Variants in MCM3AP observed in about 807,000 individuals in gnomAD.
MCM3AP encodes minichromosome maintenance complex component 3 associated protein.
Under a neutral mutation model 184.1 loss-of-function variants are expected in MCM3AP, and 126 were observed. The observed-to-expected ratio is 0.68, with a 90% CI of 0.59 to 0.79. The LOEUF is 0.79. MCM3AP is among the 30% of genes least tolerant of loss of function. The probability of loss-of-function intolerance (pLI) is 0.00; values close to 1 mark genes in which losing one functional copy is unlikely to be tolerated. For missense variants in MCM3AP, 2,496 were observed against 2,479.2 expected (o/e 1.01, Z -0.14); for synonymous variants, 1,002 against 979.3 (o/e 1.02, Z -0.43).
At chr21:46,272,516 G>A (rs1221598731) in intron 8 of MCM3AP, 45 bp downstream of exon 8, 1 of 1,582,976 alleles carries the variant, frequency 6.3e-7, no homozygotes, top group South Asian at 1.2e-5. Context: ...TTTAAAGCCT[G>A]CCTTTTCAGC....
chr21:46,246,975 T>G lies in MCM3AP; in HGVS notation c.4291-89A>C, dbSNP rs1235022562. 2.1e-6 allele frequency: 3 copies of G among 1,397,474 alleles called. No homozygotes were observed. In the African/African-American group the frequency reaches 4.2e-5, roughly 20 times the overall value. The allele number at this position is 1,397,474 out of a possible 1,614,324, so 86.6% of individuals were successfully genotyped here. A position where few individuals can be genotyped will look rare whatever the true frequency, so the allele number is the denominator to read the frequency against. ...GCCCCAGAGCAAGTGCAGCCAAAGC[T>G]CTCCGTGCACTAAATACTGACTGTA... On this transcript the variant is annotated intron_variant, in intron 20 of 27. Transcript: ENST00000291688.
chr21:46,241,734 T>C (rs941078925), intron 25 of MCM3AP: 4 of 152,264 alleles, frequency 2.6e-5, no homozygotes, highest in African/African-American at 9.7e-5. Context: ...TTCACAGCAT[T>C]GTATCCTGTC....
chr21:46,240,924 A>C lies in MCM3AP; in HGVS notation c.5520T>G (p.Ala1840=). Reference sequence around the variant, plus strand: ...CTGTGCTGGGAATCCTCCCCTCTTGAGCACACTCTGTGCTCCTCTTCCAGT... The same window carrying C: ...CTGTGCTGGGAATCCTCCCCTCTTGCGCACACTCTGTGCTCCTCTTCCAGT... ...HRNWKRSTEC[A]QEGRIPSTED... is the part of the protein sequence containing the mutation. The change falls in exon 26 of 28, where the codon GCT becomes GCG. Residue 1840 remains alanine (A), a synonymous_variant. Transcript: ENST00000291688. 6.2e-7 allele frequency: 1 copy of C among 1,614,164 alleles called. No homozygotes were observed. Among genetic ancestry groups the C allele is most frequent in the Non-Finnish European group, 8.5e-7 (1 of 1,179,998 alleles).
intron 13 of MCM3AP, among the ~76,000 whole-genome samples, chr21:46,261,790 G>GA (rs910284849): frequency 5.4e-5 from 8 of 149,450 alleles, no homozygotes; most frequent in East Asian, 3.9e-4. Flanking sequence ...ATTGACAAGG[G>GA]AAAAAAAACA....
intron 20 of MCM3AP, among the ~76,000 whole-genome samples, chr21:46,247,437 T>C (rs1381935906): frequency 1.1e-5 from 1 of 89,404 alleles, no homozygotes; most frequent in African/African-American, 4.2e-5. Flanking sequence ...CCAGGCTGGA[T>C]TGCAGTGGCA....
rs1488748364 is a variant in MCM3AP, at chr21:46,272,788, G to A, written c.2238C>T (p.Ser746=). Residue 746 remains serine, a synonymous_variant, in exon 8 of 28, where the codon TCC becomes TCT. Transcript: ENST00000291688. ...QQHLCDPLTV[S]LIEKCTRFHI... is the part of the protein sequence containing the mutation. ...GAAACCGGGTGCACTTCTCAATCAG[G>A]GACACCGTCAGGGGGTCACAGAGGT... 2 of 1,611,284 alleles carry A rather than the reference G, an allele frequency of 1.2e-6. No individual in the cohort carries two copies. The highest frequency in any genetic ancestry group is 1.7e-6 in the Non-Finnish European group (2 of 1,178,172).
At chr21:46,280,446 A>G in intron 3 of MCM3AP, 51 bp downstream of exon 3, 2 of 1,358,270 alleles carry the variant, frequency 1.5e-6, no homozygotes, top group Non-Finnish European at 2.1e-6. Context: ...TCTCTATAAA[A>G]TAAATAAAAA....
chr21:46,237,412 A>T lies in MCM3AP; in HGVS notation c.5634-433T>A, dbSNP rs146093008. ...GCCACTGTGCTTGGCCAATTTTATT[A>T]TTATTTTTTTTTGACAAGGTCTCGC... is the stretch of plus-strand genomic sequence containing the variant. On this transcript the variant is annotated intron_variant, in intron 26 of 27. Coordinates refer to ENST00000291688, the MANE Select transcript of MCM3AP (RefSeq NM_003906.5). Among the ~76,000 whole-genome samples, 50 of 148,888 alleles carry T rather than the reference A, an allele frequency of 3.4e-4. 1 individual carries two copies. The highest frequency in any genetic ancestry group is 7.5e-3 in the Middle Eastern group (2 of 266).
In MCM3AP at chr21:46,254,464, T is replaced by C. The variant is rs145378227; in HGVS notation, c.4064A>G (p.Gln1355Arg). Residue 1355 changes from glutamine (Q) to arginine (R), a missense_variant, in exon 19 of 28, where the codon CAG becomes CGG. Gln to Arg is a conservative substitution (Grantham distance 43, BLOSUM62 1). Around this residue, in one of 5 missense-constraint regions of MCM3AP, gnomAD observed 1,323 missense variants for 1,273.4 expected, o/e 1.04. Coordinates refer to ENST00000291688, the MANE Select transcript of MCM3AP (RefSeq NM_003906.5). ...SLVAEHLPGRQEHVFWKLVLV... is the reference protein window; with the variant it reads ...SLVAEHLPGRREHVFWKLVLV... ...CACCAGCTTCCAAAACACATGCTCC[T>C]GCCTCCCAGGGAGGTGCTCAGCCAC... 114 of 1,614,134 alleles carry C rather than the reference T, an allele frequency of 7.1e-5. No homozygotes were observed. In the African/African-American group the frequency reaches 1.5e-3, roughly 21 times the overall value.
intron 2 of MCM3AP, among the ~76,000 whole-genome samples, chr21:46,281,582 G>A (rs1427718465): frequency 3.3e-5 from 5 of 152,202 alleles, no homozygotes; most frequent in Non-Finnish European, 7.3e-5. Context: ...AGCACTTTGG[G>A]AGGTGGAGGT....
chr21:46,282,981 A>G (rs1044120986), intron 2 of MCM3AP, among the ~76,000 whole-genome samples: 13 of 151,322 alleles, frequency 8.6e-5, no homozygotes, highest in African/African-American at 3.1e-4. Flanking sequence ...ACTGGAGTGC[A>G]GTGGCACGAA....
At position 46,283,717 on chromosome 21, in the gene MCM3AP, G is replaced by C. The variant is rs773856378; in HGVS notation, c.1341C>G (p.Asn447Lys). Residue 447 changes from asparagine to lysine, a missense_variant, in exon 2 of 28, where the codon AAC (asparagine) becomes AAG (lysine). Asn to Lys is a moderately conservative substitution (Grantham distance 94). Coordinates refer to ENST00000291688, the MANE Select transcript of MCM3AP (RefSeq NM_003906.5). ...IQCKNIPDYLNDRTILENHFG... is the reference protein window; with the variant it reads ...IQCKNIPDYLKDRTILENHFG... The stretch of plus-strand genomic sequence containing the variant: ...AATGGTTCTCCAGAATGGTCCTGTC[G>C]TTGAGGTAGTCAGGGATGTTCTTGC... 6.2e-7 allele frequency: 1 copy of C among 1,613,886 alleles called. No individual in the cohort carries two copies. The highest frequency in any genetic ancestry group is 1.3e-5 in the African/African-American group (1 of 75,048).
intron 15 of MCM3AP, among the ~76,000 whole-genome samples, chr21:46,260,348 G>A (rs368491889): frequency 6.6e-6 from 1 of 152,190 alleles, no homozygotes; most frequent in East Asian, 1.9e-4. Context: ...GCCACCACAG[G>A]TGCAGTCATA....
intron 15 of MCM3AP, among the ~76,000 whole-genome samples, chr21:46,260,441 G>A (rs903413001): frequency 6.6e-6 from 1 of 152,126 alleles, no homozygotes; most frequent in Non-Finnish European, 1.5e-5. Context: ...GCCTGGCGTA[G>A]AATTTGTAAA....
Position 46,240,733 on chromosome 21 carries a change from TAATC to T in MCM3AP, c.5633+74_5633+77del, listed in dbSNP as rs376219365. 58 of 1,305,536 alleles carry T rather than the reference TAATC, an allele frequency of 4.4e-5. No homozygotes were observed. The East Asian group carries it at 5.1e-4, about 11-fold the overall frequency. 80.9% of individuals were successfully genotyped at this position (1,305,536 alleles called of 1,614,324 possible). ...CTTCTCCATCCTGGCTGTCTTATAT[TAATC>T]AAGCAATAACCAGTCTCCCCTCACA... On this transcript the variant is annotated intron_variant, in intron 26 of 27. Coordinates refer to ENST00000291688, the MANE Select transcript of MCM3AP (RefSeq NM_003906.5).
Position 46,236,844 on chromosome 21 carries a change from TAC to T in MCM3AP, c.5767_5768del (p.Val1923AsnfsTer3), listed in dbSNP as rs2123795293. The T allele has an allele frequency of 6.4e-7, 1 of 1,557,096 alleles. No individual in the cohort carries two copies. Among genetic ancestry groups the T allele is most frequent in the Non-Finnish European group, 8.6e-7 (1 of 1,159,120 alleles). ...HTIEPVMKTS[V>X]TTSPQSDMMR... Reference sequence around the variant, plus strand: ...TTCTTCTCACCTGTGGGCTAGTAGTTACAGATGTTTTCATCACAGGTTCAATA... The same window carrying T: ...TTCTTCTCACCTGTGGGCTAGTAGTTAGATGTTTTCATCACAGGTTCAATA... On this transcript the variant is annotated frameshift_variant, in exon 27 of 28. Transcript: ENST00000291688. LOFTEE classifies it low-confidence loss of function (END_TRUNC).
chr21:46,266,367 A>T, intron 10 of MCM3AP: 1 of 496,012 alleles, frequency 2.0e-6, no homozygotes, highest in Non-Finnish European at 3.5e-6. Context: ...CAGCGTGTTA[A>T]CAGACGCACG....
chr21:46,265,745 A>G (rs1274494452), intron 11 of MCM3AP, among the ~76,000 whole-genome samples, 180 bp downstream of exon 11: 1 of 152,058 alleles, frequency 6.6e-6, no homozygotes, highest in Admixed American at 6.5e-5. Context: ...CCCTCAGTCC[A>G]CTCCCAGTGA....
Position 46,240,918 on chromosome 21 carries a change from C to A in MCM3AP, c.5526G>T (p.Glu1842Asp). Residue 1842 changes from glutamate to aspartate, a missense_variant, in exon 26 of 28, where the codon GAG becomes GAT. By Grantham distance (45) the Glu-to-Asp change is conservative (BLOSUM62 2). Coordinates refer to ENST00000291688, the MANE Select transcript of MCM3AP (RefSeq NM_003906.5). ...GATCCTCTGTGCTGGGAATCCTCCC[C>A]TCTTGAGCACACTCTGTGCTCCTCT... ...NWKRSTECAQ[E>D]GRIPSTEDLM... 1 of 1,614,188 alleles carries A rather than the reference C, an allele frequency of 6.2e-7. No individual in the cohort carries two copies. The highest frequency in any genetic ancestry group is 8.5e-7 in the Non-Finnish European group (1 of 1,179,992).
Sources: gnomAD v4.1 joint callset for allele counts (sites outside exome capture counted in the v4.1 genomes callset) on GRCh38, gnomAD v4.1.1 for gene constraint, gnomAD v4.1.1 regional missense constraint, MANE v1.5 for transcripts, NCBI Gene and HGNC (gene_info 2026-07-23, HGNC 2026-07-21) for gene names.